TPX2: variants seen among roughly 807,000 people sequenced by gnomAD.
The protein encoded by TPX2 is TPX2 microtubule nucleation factor, also known as targeting protein for Xklp2.
Under a neutral mutation model 93.6 loss-of-function variants are expected in TPX2, and 21 were observed. That is an observed-to-expected ratio of 0.22 (90% CI 0.16 to 0.32). The LOEUF (loss-of-function observed/expected upper bound fraction) is 0.32, where lower values mean the gene tolerates loss of function less well. TPX2 is among the 10% of genes least tolerant of loss of function. TPX2 has a pLI of 1.00. For synonymous variants in TPX2, 281 were observed against 298.3 expected (o/e 0.94, Z 0.60); for missense variants, 776 against 871.1 (o/e 0.89, Z 1.37).
intron 12 of TPX2, among the ~76,000 whole-genome samples, chr20:31,787,900 GT>G (rs1052983262): frequency 1.2e-4 from 18 of 152,144 alleles, no homozygotes; most frequent in Admixed American, 9.8e-4. Flanking sequence ...CAACAGAACT[GT>G]TTTAGGGTGA....
intron 5 of TPX2, among the ~76,000 whole-genome samples, chr20:31,767,829 G>A (rs2061937757): frequency 1.3e-5 from 2 of 152,102 alleles, no homozygotes; most frequent in South Asian, 4.1e-4. Flanking sequence ...TAGGATTACA[G>A]GCATGAGCCA....
At chr20:31,797,330 A>T in intron 15 of TPX2, 74 bp from the exon 16 acceptor site, 1 of 1,339,228 alleles carries the variant, frequency 7.5e-7, no homozygotes, top group Non-Finnish European at 1.1e-6. Context: ...TTCAGACATT[A>T]GAACTTAAGT....
chr20:31,783,301 G>C (rs2062045561), intron 11 of TPX2, among the ~76,000 whole-genome samples: 1 of 151,638 alleles, frequency 6.6e-6, no homozygotes, highest in Non-Finnish European at 1.5e-5. Context: ...GCTCAGGCTG[G>C]AGTGCAGTGG....
At chr20:31,743,403 A>G (rs1813723584) in intron 2 of TPX2, among the ~76,000 whole-genome samples, 1 of 152,158 alleles carries the variant, frequency 6.6e-6, no homozygotes, top group African/African-American at 2.4e-5. Flanking sequence ...AAAAAAGTCT[A>G]GGCTGGGTAC....
At chr20:31,787,372 T>C (rs1299916971) in intron 12 of TPX2, among the ~76,000 whole-genome samples, 1 of 151,842 alleles carries the variant, frequency 6.6e-6, no homozygotes, top group Non-Finnish European at 1.5e-5. Flanking sequence ...TTCCAGTGAT[T>C]TGACTTCAAC....
intron 2 of TPX2, among the ~76,000 whole-genome samples, chr20:31,751,944 T>G (rs2061822790): frequency 6.6e-6 from 1 of 152,140 alleles, no homozygotes; most frequent in Admixed American, 6.5e-5. Flanking sequence ...GGTTTCACCA[T>G]GTTGGTGAGG....
chr20:31,754,871 A>G (rs897671057), intron 2 of TPX2, among the ~76,000 whole-genome samples: 1 of 152,316 alleles, frequency 6.6e-6, no homozygotes, highest in Admixed American at 6.5e-5. Flanking sequence ...CAAACTGTCA[A>G]TGATTCATTT....
chr20:31,776,282 T>G (rs1033459200), intron 8 of TPX2, among the ~76,000 whole-genome samples: 16 of 150,948 alleles, frequency 1.1e-4, no homozygotes, highest in Non-Finnish European at 2.4e-4. Context: ...GGGTTTCACC[T>G]TGTTAGCCAG....
chr20:31,792,431 GAT>G (rs1383453922), intron 12 of TPX2, among the ~76,000 whole-genome samples: 7 of 152,156 alleles, frequency 4.6e-5, no homozygotes, highest in African/African-American at 1.7e-4. Context: ...CCCTCAAAGA[GAT>G]ATGAGAGTTG....
chr20:31,747,279 G>A (rs536402130), intron 2 of TPX2, among the ~76,000 whole-genome samples: 33 of 152,074 alleles, frequency 2.2e-4, no homozygotes, highest in African/African-American at 6.7e-4. Context: ...TACCCACCAC[G>A]CCCGCTAATT....
At chr20:31,775,636 A>G (rs2061991523) in intron 7 of TPX2, among the ~76,000 whole-genome samples, 2 of 152,114 alleles carry the variant, frequency 1.3e-5, no homozygotes, top group African/African-American at 4.8e-5. Context: ...TTGGCCTCCC[A>G]AAGTGCTGGG....
intron 10 of TPX2, chr20:31,780,974 C>T (rs995619371): frequency 1.7e-5 from 7 of 404,542 alleles, no homozygotes; most frequent in Non-Finnish European, 3.4e-5. Context: ...GGCTGGAGTG[C>T]AGTGGCGTGA....
intron 2 of TPX2, among the ~76,000 whole-genome samples, chr20:31,755,533 G>T (rs1009725851): frequency 6.6e-6 from 1 of 151,830 alleles, no homozygotes; most frequent in African/African-American, 2.4e-5. Flanking sequence ...GGAGGCCGAG[G>T]TGGGTGGATC....
At chr20:31,791,559 C>T (rs990676825) in intron 12 of TPX2, among the ~76,000 whole-genome samples, 3 of 152,228 alleles carry the variant, frequency 2.0e-5, no homozygotes, top group South Asian at 2.1e-4. Flanking sequence ...GCTGGGATTA[C>T]AGACATGAGC....
intron 3 of TPX2, among the ~76,000 whole-genome samples, chr20:31,759,736 G>A (rs934919003): frequency 6.6e-6 from 1 of 151,960 alleles, no homozygotes; most frequent in African/African-American, 2.4e-5. Context: ...ATATATTTAG[G>A]GAGTAGATAA....
At chr20:31,798,289 A>G in intron 16 of TPX2, 76 bp from the exon 17 acceptor site, 2 of 1,573,654 alleles carry the variant, frequency 1.3e-6, no homozygotes, top group South Asian at 2.2e-5. Flanking sequence ...TGTCTGTGCC[A>G]CTTGCTCATT....
rs761506186 is a variant in TPX2, at chr20:31,776,017, C to A, written c.730+29C>A. 5 of 1,202,246 alleles carry A rather than the reference C, an allele frequency of 4.2e-6. No homozygotes were observed. In the South Asian group the frequency reaches 4.9e-5, roughly 12 times the overall value. The allele number at this position is 1,202,246 out of a possible 1,614,324, so 74.5% of individuals were successfully genotyped here. On this transcript the variant is annotated intron_variant, in intron 8 of 17. Coordinates refer to ENST00000300403, the MANE Select transcript of TPX2 (RefSeq NM_012112.5). ...AGCTTGGCTGTGGTTGAGTCTGATT[C>A]ATGAGGGGTGGTTCTTAACACTCTT...
intron 12 of TPX2, among the ~76,000 whole-genome samples, chr20:31,788,292 C>T (rs899220173): frequency 1.3e-5 from 2 of 151,934 alleles, no homozygotes; most frequent in African/African-American, 4.8e-5. Context: ...GTGGCAGGCA[C>T]CTGTACTCCT....
At chr20:31,772,111 C>T (rs1161602367) in intron 7 of TPX2, among the ~76,000 whole-genome samples, 1 of 151,206 alleles carries the variant, frequency 6.6e-6, no homozygotes, top group Non-Finnish European at 1.5e-5. Flanking sequence ...ACCTCTGCCT[C>T]CCGAGTTCAA....
Sources: allele counts gnomAD v4.1 joint callset (sites outside exome capture counted in the v4.1 genomes callset), GRCh38; gene constraint gnomAD v4.1.1; transcripts MANE v1.5; gene names NCBI Gene and HGNC (gene_info 2026-07-23, HGNC 2026-07-21).